The following RWDD1 variants were observed in gnomAD, a reference collection of about 807,000 sequenced individuals.
RWDD1 encodes RWD domain-containing protein 1.
RWDD1 carries 17 observed loss-of-function variants against 31.6 expected under a neutral mutation model. The ratio of observed to expected loss-of-function variants is 0.54; its 90% CI spans 0.37 to 0.81. RWDD1 has a LOEUF of 0.81. Among genes scored for constraint, RWDD1 ranks in the 30% least tolerant of loss-of-function variants. RWDD1 has a pLI of 0.00. For synonymous variants in RWDD1, 78 were observed against 94.2 expected (o/e 0.83, Z 0.99); for missense variants, 204 against 274.5 (o/e 0.74, Z 1.82).
chr6:116,580,640 T>A (rs1232036405), intron 2 of RWDD1, among the ~76,000 whole-genome samples: 1 of 152,138 alleles, frequency 6.6e-6, no homozygotes, highest in African/African-American at 2.4e-5. Context: ...TAGGAAACTT[T>A]TGTTTTGTTC....
intron 1 of RWDD1, among the ~76,000 whole-genome samples, chr6:116,577,016 A>AGACT (rs1470262571): frequency 6.6e-6 from 1 of 152,208 alleles, no homozygotes; most frequent in African/African-American, 2.4e-5. Flanking sequence ...TATTGTAGAC[A>AGACT]CTGCCACATC....
Position 116,590,342 on chromosome 6 carries a change from T to G in RWDD1, c.485T>G (p.Leu162Arg). ...TGGAAAGCCAAGTTTGATGCAGAAC[T>G]CTTGGAAATTAAAAAGAAAAGGATG... ...LNWKAKFDAE[L>R]LEIKKKRMKE... Residue 162 changes from leucine (L) to arginine (R), a missense_variant, in exon 5 of 7, where the codon CTC (leucine) becomes CGC (arginine). Transcript: ENST00000466444. 1 of 1,602,698 alleles carries G rather than the reference T, an allele frequency of 6.2e-7. No homozygotes were observed. Among genetic ancestry groups the G allele is most frequent in the Non-Finnish European group, 8.5e-7 (1 of 1,176,068 alleles).
chr6:116,582,360 T>G (rs975077720), intron 2 of RWDD1, among the ~76,000 whole-genome samples: 3 of 151,984 alleles, frequency 2.0e-5, no homozygotes, highest in Non-Finnish European at 4.4e-5. Context: ...TAAAGAATAT[T>G]CTCAGGATAT....
At chr6:116,573,988 G>C (rs1181439412) in intron 1 of RWDD1, 1 of 984,220 alleles carries the variant, frequency 1.0e-6, no homozygotes, top group Non-Finnish European at 1.2e-6. Flanking sequence ...AAGAAGTTTT[G>C]GTCCAGTGTT....
At chr6:116,584,142 C>T (rs1774996638) in intron 2 of RWDD1, among the ~76,000 whole-genome samples, 1 of 152,206 alleles carries the variant, frequency 6.6e-6, no homozygotes, top group African/African-American at 2.4e-5. Flanking sequence ...AAGAGTTTTA[C>T]TTCCGTACAA....
Position 116,571,542 on chromosome 6 carries a change from C to A in RWDD1, c.-41C>A, listed in dbSNP as rs749444323. The A allele has an allele frequency of 6.2e-7, 1 of 1,601,678 alleles. No homozygotes were observed. The highest frequency in any genetic ancestry group is 8.5e-7 in the Non-Finnish European group (1 of 1,174,052). On this transcript the variant is annotated 5_prime_UTR_variant, in exon 1 of 7. Transcript: ENST00000466444. ...AGCTGTCTGGGCTGCTGCGCGCCGC[C>A]TAGGTGTCTGGGCGATCTATGGGCA...
chr6:116,579,064 T>A (rs935873736), intron 1 of RWDD1, among the ~76,000 whole-genome samples: 11 of 152,110 alleles, frequency 7.2e-5, no homozygotes, highest in Non-Finnish European at 1.0e-4. Context: ...TTAGTAGTGA[T>A]GAGGTTTCAC....
intron 1 of RWDD1, among the ~76,000 whole-genome samples, chr6:116,576,552 C>A (rs1238263967): frequency 3.9e-5 from 6 of 152,224 alleles, no homozygotes; most frequent in Non-Finnish European, 8.8e-5. Flanking sequence ...CCTGTTCTAT[C>A]TGGCTCCCCA....
rs1354121208 is a variant in RWDD1 at position 116,592,975 on chromosome 6, T to G, written c.611-5T>G. The G allele has an allele frequency of 2.5e-6, 4 of 1,606,228 alleles. No homozygotes were observed. Among genetic ancestry groups the G allele is most frequent in the African/African-American group, 1.3e-5 (1 of 74,254 alleles). Reference sequence around the variant, plus strand: ...TTTTTTTTTTTTTTTGGTTGCCTTTTGCAGCTGGAAACAACGTGGAGGTAG... The same window carrying G: ...TTTTTTTTTTTTTTTGGTTGCCTTTGGCAGCTGGAAACAACGTGGAGGTAG... On this transcript the variant is annotated splice_region_variant and splice_polypyrimidine_tract_variant and intron_variant, in intron 6 of 6. Coordinates refer to ENST00000466444, the MANE Select transcript of RWDD1 (RefSeq NM_015952.4).
intron 2 of RWDD1, among the ~76,000 whole-genome samples, chr6:116,583,106 T>C (rs542984462): frequency 6.6e-6 from 1 of 152,144 alleles, no homozygotes; most frequent in South Asian, 2.1e-4. Flanking sequence ...GCCTCCCAGA[T>C]AGCAAGGACT....
intron 1 of RWDD1, among the ~76,000 whole-genome samples, chr6:116,575,234 T>C (rs1379718865): frequency 2.0e-5 from 3 of 151,582 alleles, no homozygotes; most frequent in Non-Finnish European, 4.4e-5. Context: ...TTACAGGGTG[T>C]GCCACCATGC....
rs1452350005 is a variant in RWDD1 at position 116,593,905 on chromosome 6, A to G, written c.*804A>G. 6.6e-6 allele frequency: 1 copy of G among 151,908 alleles called. No homozygotes were observed. Among genetic ancestry groups the G allele is most frequent in the Admixed American group, 6.6e-5 (1 of 15,218 alleles). 9.4% of individuals were successfully genotyped at this position (151,908 alleles called of 1,614,324 possible). On this transcript the variant is annotated 3_prime_UTR_variant, in exon 7 of 7. Transcript: ENST00000466444. ...GCTTGCAGTGAGCCGAGATCACGCC[A>G]CTGCACTCCAGCCTGGGCAACAGAG... is the stretch of plus-strand genomic sequence containing the variant.
chr6:116,586,211 A>G (rs1562378851), intron 3 of RWDD1, among the ~76,000 whole-genome samples: 1 of 152,200 alleles, frequency 6.6e-6, no homozygotes, highest in Non-Finnish European at 1.5e-5. Flanking sequence ...CAGTATCAAA[A>G]TAATAAATTC....
intron 1 of RWDD1, 109 bp from the exon 2 acceptor site, chr6:116,580,186 A>G (rs910617268): frequency 1.7e-6 from 1 of 581,374 alleles, no homozygotes; most frequent in Non-Finnish European, 2.9e-6. Flanking sequence ...GGAAATGGAA[A>G]TATAGCCTAG....
chr6:116,585,535 C>G (rs934144663), intron 3 of RWDD1, among the ~76,000 whole-genome samples: 1 of 150,954 alleles, frequency 6.6e-6, no homozygotes, highest in African/African-American at 2.4e-5. Flanking sequence ...AATTCTTACT[C>G]CACCATCTTA....
chr6:116,589,068 C>A, intron 4 of RWDD1, 83 bp downstream of exon 4: 5 of 1,096,676 alleles, frequency 4.6e-6, no homozygotes, highest in South Asian at 4.2e-5. Context: ...TAATCAATAG[C>A]AGTATTTTTT....
rs1333418938 is a variant in RWDD1, at chr6:116,597,235, G to A, written c.*4134G>A. ...TTGAAGTAAAAAAGAGAGAGAAAGA[G>A]AGAGAGAAGAGGTTCTACTCAGTCC... On this transcript the variant is annotated 3_prime_UTR_variant, in exon 7 of 7. Transcript: ENST00000466444. 1 of 152,000 alleles carries A rather than the reference G, an allele frequency of 6.6e-6. No homozygotes were observed. The highest frequency in any genetic ancestry group is 1.5e-5 in the Non-Finnish European group (1 of 67,998). The allele number at this position is 152,000 out of a possible 1,614,324, so 9.4% of individuals were successfully genotyped here.
At chr6:116,585,083 T>A (rs952231382) in intron 3 of RWDD1, among the ~76,000 whole-genome samples, 11 of 152,218 alleles carry the variant, frequency 7.2e-5, no homozygotes. Flanking sequence ...GTCAGCCTCA[T>A]GGCTTTTTCC....
intron 2 of RWDD1, among the ~76,000 whole-genome samples, chr6:116,584,181 A>G (rs768543278): frequency 8.5e-4 from 129 of 152,318 alleles, no homozygotes; most frequent in Non-Finnish European, 1.5e-3. Flanking sequence ...GACACAGACT[A>G]AAAGAGTGAG....
Sources: gnomAD v4.1 joint callset for allele counts (sites outside exome capture counted in the v4.1 genomes callset) on GRCh38, gnomAD v4.1.1 for gene constraint, MANE v1.5 for transcripts, NCBI Gene and HGNC (gene_info 2026-07-23, HGNC 2026-07-21) for gene names.